SLITRK5: variants seen among roughly 807,000 people sequenced by gnomAD.
SLITRK5 encodes SLIT and NTRK-like protein 5.
Under a neutral mutation model 56.2 loss-of-function variants are expected in SLITRK5, and 23 were observed. The ratio of observed to expected loss-of-function variants is 0.41; its 90% CI spans 0.29 to 0.58. The LOEUF (loss-of-function observed/expected upper bound fraction) is 0.58. Ranked by LOEUF, SLITRK5 falls within the 20% of genes least tolerant of loss-of-function variation. SLITRK5 has a pLI of 0.30. For synonymous variants in SLITRK5, 637 were observed against 531.8 expected, an observed-to-expected ratio of 1.20 and a Z score of -2.72; for missense variants, 1,289 against 1,226.6, an observed-to-expected ratio of 1.05 and a Z score of -0.76.
At chr13:87,674,539 G>C (rs1367191000) in intron 1 of SLITRK5, 1 of 279,162 alleles carries the variant, frequency 3.6e-6, no homozygotes, top group Non-Finnish European at 5.4e-6. Context: ...GTAATCCATC[G>C]TGCAGAACTA....
In SLITRK5 at chr13:87,677,733, T is replaced by C; in HGVS notation, c.2345T>C (p.Leu782Pro). Residue 782 changes from leucine (L) to proline (P), a missense_variant, in exon 2 of 2, where the codon CTC (leucine) becomes CCC (proline). Coordinates refer to ENST00000683689, the MANE Select transcript of SLITRK5 (RefSeq NM_001384609.1). This position sits in a 1 kb window ranked among gnomAD's most constrained non-coding sequence, Gnocchi z 4.7. ...SVEDYKDLHE[L>P]KVTYSSNHHL... The stretch of plus-strand genomic sequence containing the variant: ...GAGGATTACAAAGACCTGCACGAGC[T>C]CAAGGTCACCTACAGCAGCAACCAC... The C allele has an allele frequency of 6.2e-7, 1 of 1,612,504 alleles. No homozygotes were observed. The highest frequency in any genetic ancestry group is 8.5e-7 in the Non-Finnish European group (1 of 1,179,288).
chr13:87,672,606 T>C (rs1250506995), intron 1 of SLITRK5: 1 of 151,524 alleles, frequency 6.6e-6, no homozygotes, highest in Non-Finnish European at 1.5e-5. Context: ...GGAGAGCCTT[T>C]TGGGGAGCCC....
chr13:87,673,540 G>C (rs756347759), intron 1 of SLITRK5: 77 of 1,283,044 alleles, frequency 6.0e-5, no homozygotes, highest in Non-Finnish European at 1.6e-5. Context: ...GAATGGATGT[G>C]CGGATTTGAT....
Position 87,677,538 on chromosome 13 carries a change from A to ACGGCGG in SLITRK5, c.2161_2166dup (p.Gly721_Gly722dup), listed in dbSNP as rs768483454. 2 of 1,608,288 alleles carry ACGGCGG rather than the reference A, an allele frequency of 1.2e-6. No homozygotes were observed. Among genetic ancestry groups the ACGGCGG allele is most frequent in the South Asian group, 1.1e-5 (1 of 90,982 alleles). On this transcript the variant is annotated inframe_insertion, in exon 2 of 2. Coordinates refer to ENST00000683689, the MANE Select transcript of SLITRK5 (RefSeq NM_001384609.1). The surrounding 1 kb of genome is among the most constrained non-coding windows in gnomAD (Gnocchi z 4.7). ...TCCTTTAACATGCAGTACAGCGTGT[A>ACGGCGG]CGGCGGCGGCGGCGGCACGGGCGGC... is the stretch of plus-strand genomic sequence containing the variant.
chr13:87,676,880 T>C lies in SLITRK5; in HGVS notation c.1492T>C (p.Ser498Pro). ...LQYNLIREIQSGTFDPVPNLQ... is the reference protein window; with the variant it reads ...LQYNLIREIQPGTFDPVPNLQ... ...GTACAATCTCATCCGCGAGATTCAG[T>C]CTGGAACTTTTGACCCGGTCCCAAA... The change falls in exon 2 of 2, where the codon TCT becomes CCT. Residue 498 changes from serine to proline, a missense_variant. By Grantham distance (74) the Ser-to-Pro change is moderately conservative. This residue lies in a region of SLITRK5 where 985 missense variants were observed against 906.0 expected (regional missense o/e 1.09). Transcript: ENST00000683689. 1 of 1,614,050 alleles carries C rather than the reference T, an allele frequency of 6.2e-7. No homozygotes were observed. Among genetic ancestry groups the C allele is most frequent in the Non-Finnish European group, 8.5e-7 (1 of 1,180,008 alleles).
In SLITRK5 at chr13:87,677,946, G is replaced by A; in HGVS notation, c.2558G>A (p.Arg853His). 6.2e-7 allele frequency: 1 copy of A among 1,613,860 alleles called. No individual in the cohort carries two copies. Among genetic ancestry groups the A allele is most frequent in the Non-Finnish European group, 8.5e-7 (1 of 1,179,868 alleles). Reference protein sequence around the residue: ...DLLSPVQDADRFYRGILEPDK... With the variant: ...DLLSPVQDADHFYRGILEPDK... ...CTGTCGCCGGTGCAGGACGCCGACC[G>A]CTTTTACAGGGGCATTTTAGAACCA... Residue 853 changes from arginine (R) to histidine (H), a missense_variant, in exon 2 of 2, where the codon CGC (arginine) becomes CAC (histidine). By Grantham distance (29) the Arg-to-His change is conservative (BLOSUM62 0). Transcript: ENST00000683689. This position sits in a 1 kb window ranked among gnomAD's most constrained non-coding sequence, Gnocchi z 4.7.
chr13:87,676,393 C>A lies in SLITRK5; in HGVS notation c.1005C>A (p.Arg335=). The A allele has an allele frequency of 4.3e-6, 7 of 1,614,078 alleles. No homozygotes were observed. Among genetic ancestry groups the A allele is most frequent in the Non-Finnish European group, 5.9e-6 (7 of 1,180,000 alleles). Residue 335 remains arginine, a synonymous_variant, in exon 2 of 2, where the codon CGC becomes CGA. Transcript: ENST00000683689. ...CTTTGAAGCCCCCTAAGGGGACTCG[C>A]CAACCCAACAAGCCCAGGGTGCGCC... The part of the protein sequence containing the change: ...KPPLKPPKGT[R]QPNKPRVRPT...
rs765722798 is a variant in SLITRK5 at position 87,677,418 on chromosome 13, C to A, written c.2030C>A (p.Ser677Tyr). The A allele has an allele frequency of 6.2e-7, 1 of 1,613,674 alleles. No homozygotes were observed. The highest frequency in any genetic ancestry group is 8.5e-7 in the Non-Finnish European group (1 of 1,179,994). Reference protein sequence around the residue: ...ILSLLLVFIMSVFVAAGLFVL... With the variant: ...ILSLLLVFIMYVFVAAGLFVL... ...AGCCTCCTGCTGGTTTTCATCATGTCCGTCTTCGTGGCCGCCGGGCTCTTC... is the reference window on the plus strand; with the variant it reads ...AGCCTCCTGCTGGTTTTCATCATGTACGTCTTCGTGGCCGCCGGGCTCTTC... Residue 677 changes from serine to tyrosine, a missense_variant, in exon 2 of 2, where the codon TCC becomes TAC. Around this residue, in one of 3 missense-constraint regions of SLITRK5, gnomAD observed 985 missense variants for 906.0 expected, o/e 1.09. Transcript: ENST00000683689. The surrounding 1 kb of genome is among the most constrained non-coding windows in gnomAD (Gnocchi z 4.7).
Position 87,676,842 on chromosome 13 carries a change from A to T in SLITRK5, c.1454A>T (p.Tyr485Phe). 6.2e-7 allele frequency: 1 copy of T among 1,614,102 alleles called. No homozygotes were observed. ...TTCTATGGCCTGCAGAGCCTGCAGTATCTCTTCCTCCAGTACAATCTCATC... is the reference window on the plus strand; with the variant it reads ...TTCTATGGCCTGCAGAGCCTGCAGTTTCTCTTCCTCCAGTACAATCTCATC... ...ELFYGLQSLQ[Y>F]LFLQYNLIRE... Residue 485 changes from tyrosine (Y) to phenylalanine (F), a missense_variant, in exon 2 of 2, where the codon TAT (tyrosine) becomes TTT (phenylalanine). By Grantham distance (22) the Tyr-to-Phe change is conservative (BLOSUM62 3). Transcript: ENST00000683689.
chr13:87,677,502 C>T lies in SLITRK5; in HGVS notation c.2114C>T (p.Ser705Phe). The T allele has an allele frequency of 1.2e-6, 2 of 1,611,814 alleles. No individual in the cohort carries two copies. Among genetic ancestry groups the T allele is most frequent in the Non-Finnish European group, 1.7e-6 (2 of 1,179,876 alleles). ...NQSDHTSTNN[S>F]DVSSFNMQYS... The stretch of plus-strand genomic sequence containing the variant: ...AGCGACCACACCAGCACCAACAACT[C>T]CGACGTGAGCTCCTTTAACATGCAG... The change falls in exon 2 of 2, where the codon TCC becomes TTC. Residue 705 changes from serine to phenylalanine, a missense_variant. Physicochemically the swap from Ser to Phe is radical, Grantham distance 155 (BLOSUM62 -2). Coordinates refer to ENST00000683689, the MANE Select transcript of SLITRK5 (RefSeq NM_001384609.1). This position sits in a 1 kb window ranked among gnomAD's most constrained non-coding sequence, Gnocchi z 4.7.
Position 87,676,332 on chromosome 13 carries a change from C to A in SLITRK5, c.944C>A (p.Ser315Tyr), listed in dbSNP as rs781180661. The change falls in exon 2 of 2, where the codon TCT becomes TAT. Residue 315 changes from serine (S) to tyrosine (Y), a missense_variant. Physicochemically the swap from Ser to Tyr is moderately radical, Grantham distance 144 (BLOSUM62 -2). Coordinates refer to ENST00000683689, the MANE Select transcript of SLITRK5 (RefSeq NM_001384609.1). Reference sequence around the variant, plus strand: ...CACACCACCCCGGCGTCAGTGAATTCTGTGGCCACTTCTTCCTCTGCTGTT... The same window carrying A: ...CACACCACCCCGGCGTCAGTGAATTATGTGGCCACTTCTTCCTCTGCTGTT... ...YLHTTPASVN[S>Y]VATSSSAVYK... is the part of the protein sequence containing the mutation. 1.9e-6 allele frequency: 3 copies of A among 1,614,154 alleles called. No individual in the cohort carries two copies. Among genetic ancestry groups the A allele is most frequent in the South Asian group, 1.1e-5 (1 of 91,088 alleles).
At position 87,676,762 on chromosome 13, in the gene SLITRK5, C is replaced by A; in HGVS notation, c.1374C>A (p.Asn458Lys). The stretch of plus-strand genomic sequence containing the variant: ...ACCGCGCTTTCGGGGATCTCACCAA[C>A]CTGAGGCGCCTCTACCTGAATGGCA... The part of the protein sequence containing the change: ...IQDRAFGDLT[N>K]LRRLYLNGNR... Residue 458 changes from asparagine to lysine, a missense_variant, in exon 2 of 2, where the codon AAC becomes AAA. This residue lies in a region of SLITRK5 where 985 missense variants were observed against 906.0 expected (regional missense o/e 1.09). Coordinates refer to ENST00000683689, the MANE Select transcript of SLITRK5 (RefSeq NM_001384609.1). The A allele has an allele frequency of 2.5e-6, 4 of 1,614,158 alleles. No individual in the cohort carries two copies. The highest frequency in any genetic ancestry group is 2.5e-6 in the Non-Finnish European group (3 of 1,180,040).
In SLITRK5 at chr13:87,677,767, G is replaced by A. The variant is rs781703614; in HGVS notation, c.2379G>A (p.Gln793=). 4.3e-6 allele frequency: 7 copies of A among 1,610,648 alleles called. No homozygotes were observed. Among genetic ancestry groups the A allele is most frequent in the African/African-American group, 1.3e-5 (1 of 74,960 alleles). The part of the protein sequence containing the change: ...KVTYSSNHHL[Q]QQQQPPPPPQ... ...CCTACAGCAGCAACCACCACCTGCA[G>A]CAGCAGCAGCAGCCGCCGCCGCCAC... Residue 793 remains glutamine, a synonymous_variant, in exon 2 of 2, where the codon CAG becomes CAA. Transcript: ENST00000683689. This position sits in a 1 kb window ranked among gnomAD's most constrained non-coding sequence, Gnocchi z 4.7.
chr13:87,676,152 A>T lies in SLITRK5; in HGVS notation c.764A>T (p.Tyr255Phe). The T allele has an allele frequency of 1.2e-6, 2 of 1,614,072 alleles. No individual in the cohort carries two copies. Among genetic ancestry groups the T allele is most frequent in the Non-Finnish European group, 1.7e-6 (2 of 1,180,016 alleles). The change falls in exon 2 of 2, where the codon TAT becomes TTT. Residue 255 changes from tyrosine to phenylalanine, a missense_variant. Tyr to Phe is a conservative substitution (Grantham distance 22, BLOSUM62 3). Coordinates refer to ENST00000683689, the MANE Select transcript of SLITRK5 (RefSeq NM_001384609.1). ...AAGGATTGGTTGGACAGCATCTCCT[A>T]TTCAGCCCTGGTGGGGGATGTAGTT... ...SLKDWLDSIS[Y>F]SALVGDVVCE...
intron 1 of SLITRK5, among the ~76,000 whole-genome samples, chr13:87,673,222 CTG>C (rs1259724511): frequency 7.1e-6 from 1 of 141,628 alleles, no homozygotes; most frequent in East Asian, 2.1e-4. Context: ...ATCTGAGAAT[CTG>C]AGAATGTTCA....
Position 87,676,444 on chromosome 13 carries a change from C to G in SLITRK5, c.1056C>G (p.Asp352Glu). 6.2e-7 allele frequency: 1 copy of G among 1,614,118 alleles called. No homozygotes were observed. Among genetic ancestry groups the G allele is most frequent in the Non-Finnish European group, 8.5e-7 (1 of 1,180,026 alleles). ...VRPTSRQPSK[D>E]LGYSNYGPSI... ...CCACCTCTCGGCAGCCCTCTAAGGA[C>G]TTGGGCTACAGCAACTATGGCCCCA... The change falls in exon 2 of 2, where the codon GAC becomes GAG. Residue 352 changes from aspartate to glutamate, a missense_variant. Transcript: ENST00000683689.
At chr13:87,673,780 G>A (rs1877149827) in intron 1 of SLITRK5, among the ~76,000 whole-genome samples, 1 of 152,022 alleles carries the variant, frequency 6.6e-6, no homozygotes, top group Non-Finnish European at 1.5e-5. Context: ...GTTTAATAAC[G>A]CGGGCTGGAG....
intron 1 of SLITRK5, chr13:87,673,541 C>G: frequency 1.6e-6 from 2 of 1,281,104 alleles, no homozygotes; most frequent in Non-Finnish European, 2.0e-6. Flanking sequence ...AATGGATGTG[C>G]GGATTTGATC....
chr13:87,677,249 T>G lies in SLITRK5; in HGVS notation c.1861T>G (p.Ser621Ala). Residue 621 changes from serine (S) to alanine (A), a missense_variant, in exon 2 of 2, where the codon TCC becomes GCC. Ser to Ala is a moderately conservative substitution (Grantham distance 99). Around this residue, in one of 3 missense-constraint regions of SLITRK5, gnomAD observed 985 missense variants for 906.0 expected, o/e 1.09. Transcript: ENST00000683689. The surrounding 1 kb of genome is among the most constrained non-coding windows in gnomAD (Gnocchi z 4.7). ...LCPDYSDVVVSTPTPSSIQVP... is the reference protein window; with the variant it reads ...LCPDYSDVVVATPTPSSIQVP... ...CCCTGACTATTCAGATGTAGTAGTT[T>G]CCACGCCCACACCCTCCTCTATCCA... is the stretch of plus-strand genomic sequence containing the variant. 6.2e-7 allele frequency: 1 copy of G among 1,614,132 alleles called. No homozygotes were observed. The highest frequency in any genetic ancestry group is 1.1e-5 in the South Asian group (1 of 91,076).
Sources: allele counts gnomAD v4.1 joint callset (sites outside exome capture counted in the v4.1 genomes callset), GRCh38; gene constraint gnomAD v4.1.1; regional missense constraint gnomAD v4.1.1; non-coding constraint Gnocchi (gnomAD v3.1); transcripts MANE v1.5; gene names NCBI Gene and HGNC (gene_info 2026-07-23, HGNC 2026-07-21).